LNPEP: variants seen among roughly 807,000 people sequenced by gnomAD.
LNPEP encodes leucyl and cystinyl aminopeptidase, also known as leucyl-cystinyl aminopeptidase.
In LNPEP, 64 loss-of-function variants were observed where a neutral mutation model predicts 120.6. That is an observed-to-expected ratio of 0.53 (90% CI 0.43 to 0.65). The LOEUF is 0.65. LNPEP is among the 30% of genes least tolerant of loss of function. The probability of loss-of-function intolerance (pLI) is 0.00; values close to 1 mark genes in which losing one functional copy is unlikely to be tolerated. For missense variants in LNPEP, 1,057 were observed against 1,200.0 expected, an observed-to-expected ratio of 0.88 and a Z score of 1.76; for synonymous variants, 435 against 425.4, an observed-to-expected ratio of 1.02 and a Z score of -0.28.
At chr5:97,008,787 C>T (rs1790854740) in intron 11 of LNPEP, among the ~76,000 whole-genome samples, 1 of 151,576 alleles carries the variant, frequency 6.6e-6, no homozygotes, top group Non-Finnish European at 1.5e-5. Flanking sequence ...GCCTCAGCCT[C>T]CTGAGTAGCT....
chr5:96,986,540 A>C lies in LNPEP; in HGVS notation c.1001A>C (p.Lys334Thr), dbSNP rs780651736. Residue 334 changes from lysine (K) to threonine (T), a missense_variant and splice_region_variant, in exon 4 of 18, where the codon AAG becomes ACG. Physicochemically the swap from Lys to Thr is moderately conservative, Grantham distance 78. Coordinates refer to ENST00000231368, the MANE Select transcript of LNPEP (RefSeq NM_005575.3). ...CTGTCTTTTCCCCTTTGCTTGTAGAAGTCATCAGTCGTTCTAGATGATGGA... is the reference window on the plus strand; with the variant it reads ...CTGTCTTTTCCCCTTTGCTTGTAGACGTCATCAGTCGTTCTAGATGATGGA... ...QYTALSNMPKKSSVVLDDGLV... is the reference protein window; with the variant it reads ...QYTALSNMPKTSSVVLDDGLV... The C allele has an allele frequency of 6.2e-7, 1 of 1,612,502 alleles. No individual in the cohort carries two copies.
At chr5:96,956,131 T>C (rs558867095) in intron 1 of LNPEP, among the ~76,000 whole-genome samples, 1 of 152,336 alleles carries the variant, frequency 6.6e-6, no homozygotes, top group East Asian at 1.9e-4. Context: ...TCCTTTACAT[T>C]GGATTATTTG....
rs1441775802 is a variant in LNPEP, at chr5:97,035,745, C to T, written c.*7212C>T. 1 of 152,058 alleles carries T rather than the reference C, an allele frequency of 6.6e-6. No individual in the cohort carries two copies. Among genetic ancestry groups the T allele is most frequent in the Non-Finnish European group, 1.5e-5 (1 of 68,006 alleles). 9.4% of individuals were successfully genotyped at this position (152,058 alleles called of 1,614,324 possible). On this transcript the variant is annotated 3_prime_UTR_variant, in exon 18 of 18. Coordinates refer to ENST00000231368, the MANE Select transcript of LNPEP (RefSeq NM_005575.3). Reference sequence around the variant, plus strand: ...GACTATACCTAACAAAAATAAAGACCTACTAAATCCCTGCCATCTGGCTGG... The same window carrying T: ...GACTATACCTAACAAAAATAAAGACTTACTAAATCCCTGCCATCTGGCTGG...
chr5:96,955,256 G>A (rs184457352), intron 1 of LNPEP, among the ~76,000 whole-genome samples: 1 of 152,058 alleles, frequency 6.6e-6, no homozygotes, highest in Admixed American at 6.6e-5. Flanking sequence ...TATGTAAATG[G>A]AATCATACAG....
At chr5:97,026,185 G>A (rs990980782) in intron 15 of LNPEP, among the ~76,000 whole-genome samples, 9 of 151,930 alleles carry the variant, frequency 5.9e-5, no homozygotes, top group Non-Finnish European at 7.4e-5. Flanking sequence ...TGTTTGCTAC[G>A]AACATTAATA....
Position 97,026,726 on chromosome 5 carries a change from G to C in LNPEP, c.2833G>C (p.Val945Leu). The C allele has an allele frequency of 6.2e-7, 1 of 1,613,610 alleles. No homozygotes were observed. Among genetic ancestry groups the C allele is most frequent in the Non-Finnish European group, 8.5e-7 (1 of 1,179,552 alleles). ...FPGHLLAWDF[V>L]KENWNKLVQK... ...TGGACACTTACTGGCATGGGATTTT[G>C]TCAAAGAGAACTGGAATAAGCTTGT... The change falls in exon 16 of 18, where the codon GTC becomes CTC. Residue 945 changes from valine (V) to leucine (L), a missense_variant. Val to Leu is a conservative substitution (Grantham distance 32). Coordinates refer to ENST00000231368, the MANE Select transcript of LNPEP (RefSeq NM_005575.3).
intron 12 of LNPEP, among the ~76,000 whole-genome samples, chr5:97,014,071 A>G (rs1008361664): frequency 6.6e-6 from 1 of 152,190 alleles, no homozygotes; most frequent in African/African-American, 2.4e-5. Flanking sequence ...TATCAAAAAC[A>G]GGATACATAT....
intron 1 of LNPEP, among the ~76,000 whole-genome samples, chr5:96,969,740 C>T (rs1354699830): frequency 6.7e-6 from 1 of 149,756 alleles, no homozygotes; most frequent in Non-Finnish European, 1.5e-5. Context: ...GATTTTTGCC[C>T]TGTTTTTTTT....
intron 7 of LNPEP, among the ~76,000 whole-genome samples, chr5:96,997,317 G>T (rs1790536642): frequency 6.6e-6 from 1 of 152,082 alleles, no homozygotes; most frequent in Non-Finnish European, 1.5e-5. Flanking sequence ...GATAGGGCTT[G>T]TTGAAAAATT....
At chr5:96,982,885 G>A (rs2112611572) in intron 2 of LNPEP, among the ~76,000 whole-genome samples, 1 of 152,218 alleles carries the variant, frequency 6.6e-6, no homozygotes, top group Middle Eastern at 3.4e-3. Context: ...TATCTATTTA[G>A]GACCATATGA....
intron 1 of LNPEP, among the ~76,000 whole-genome samples, chr5:96,965,872 T>A (rs1039019227): frequency 2.6e-5 from 4 of 152,162 alleles, no homozygotes; most frequent in Non-Finnish European, 5.9e-5. Context: ...TTTTTTAGGT[T>A]TTAGATTTTA....
chr5:96,983,571 G>A (rs1277846727), intron 2 of LNPEP, among the ~76,000 whole-genome samples: 3 of 152,038 alleles, frequency 2.0e-5, no homozygotes, highest in African/African-American at 7.2e-5. Context: ...TCTGTCTCCT[G>A]AGTAGCTGGG....
At chr5:96,975,930 T>C (rs978474185) in intron 1 of LNPEP, among the ~76,000 whole-genome samples, 7 of 152,156 alleles carry the variant, frequency 4.6e-5, no homozygotes, top group African/African-American at 1.7e-4. Flanking sequence ...GCCTATGTTA[T>C]TTAAAACTGA....
intron 1 of LNPEP, among the ~76,000 whole-genome samples, chr5:96,969,488 G>A (rs1789809467): frequency 6.6e-6 from 1 of 152,008 alleles, no homozygotes; most frequent in Admixed American, 6.6e-5. Context: ...AGACGGCTGG[G>A]CTTGTTAAAA....
Position 96,942,082 on chromosome 5 carries a change from G to A in LNPEP, c.19+5908G>A, listed in dbSNP as rs1789066476. ...CAAATGAGTTAAGATTGGCATTTGG[G>A]AGCCTTGCCAAGAGATAGAAAACAT... On this transcript the variant is annotated intron_variant, in intron 1 of 17. Transcript: ENST00000231368. Among the ~76,000 whole-genome samples the A allele has an allele frequency of 2.6e-5, 4 of 152,156 alleles. No individual in the cohort carries two copies. The South Asian group carries it at 8.3e-4, about 32-fold the overall frequency.
At chr5:96,963,344 C>T (rs907670756) in intron 1 of LNPEP, among the ~76,000 whole-genome samples, 5 of 152,106 alleles carry the variant, frequency 3.3e-5, no homozygotes, top group Non-Finnish European at 7.4e-5. Context: ...TTTTTTAGGT[C>T]AACAGTTTGG....
At chr5:96,996,878 T>C (rs1238471734) in intron 7 of LNPEP, among the ~76,000 whole-genome samples, 5 of 152,098 alleles carry the variant, frequency 3.3e-5, no homozygotes, top group Non-Finnish European at 5.9e-5. Flanking sequence ...TTTTTTATCC[T>C]GTGTAAAAAT....
intron 1 of LNPEP, among the ~76,000 whole-genome samples, chr5:96,957,459 C>T (rs138691486): frequency 2.1e-3 from 312 of 152,028 alleles, no homozygotes; most frequent in African/African-American, 7.1e-3. Flanking sequence ...ATTAGAGTTG[C>T]GGTTGCTAAT....
chr5:96,999,050 G>A (rs1017343981), intron 8 of LNPEP, among the ~76,000 whole-genome samples: 3 of 152,092 alleles, frequency 2.0e-5, no homozygotes, highest in Admixed American at 1.3e-4. Flanking sequence ...ACGTGAAGAG[G>A]GAAAAGAAGA....
Sources: allele counts gnomAD v4.1 joint callset (sites outside exome capture counted in the v4.1 genomes callset), GRCh38; gene constraint gnomAD v4.1.1; transcripts MANE v1.5; gene names NCBI Gene and HGNC (gene_info 2026-07-23, HGNC 2026-07-21).